MAP3K5: variants seen among roughly 807,000 people sequenced by gnomAD.
MAP3K5 encodes mitogen-activated protein kinase kinase kinase 5, also known as ASK-1.
In MAP3K5, 56 loss-of-function variants were observed where a neutral mutation model predicts 158.7. The ratio of observed to expected loss-of-function variants is 0.35; its 90% CI spans 0.28 to 0.44. The LOEUF is 0.44. MAP3K5 is among the 20% of genes least tolerant of loss of function. The probability of loss-of-function intolerance (pLI) is 1.00; values close to 1 mark genes in which losing one functional copy is unlikely to be tolerated. For synonymous variants in MAP3K5, 579 were observed against 601.7 expected (o/e 0.96, Z 0.55); for missense variants, 1,294 against 1,674.8 (o/e 0.77, Z 3.97).
chr6:136,737,035 G>GCATATATATATATATATATATATATATA (rs1554308004), intron 1 of MAP3K5, among the ~76,000 whole-genome samples: 1 of 118,708 alleles, frequency 8.4e-6, no homozygotes, highest in South Asian at 2.3e-4. Context: ...ATATATGTGT[G>GCATATATATATATATATATATATATATA]TGTATATATA....
At chr6:136,614,336 T>C (rs1346889545) in intron 15 of MAP3K5, 50 bp from the exon 16 acceptor site, 2 of 1,584,040 alleles carry the variant, frequency 1.3e-6, no homozygotes, top group South Asian at 1.1e-5. Context: ...CAGACTTTAC[T>C]GTATAAATTT....
At chr6:136,732,467 G>C (rs867082533) in intron 1 of MAP3K5, among the ~76,000 whole-genome samples, 1 of 151,984 alleles carries the variant, frequency 6.6e-6, no homozygotes, top group Non-Finnish European at 1.5e-5. Context: ...AAAACAAGGA[G>C]GGAAGTAATT....
chr6:136,627,605 T>C (rs1484005940), intron 14 of MAP3K5, among the ~76,000 whole-genome samples: 1 of 152,172 alleles, frequency 6.6e-6, no homozygotes, highest in Non-Finnish European at 1.5e-5. Flanking sequence ...AGAGCTCTCA[T>C]GAATGGGATT....
chr6:136,759,692 C>T (rs1372709283), intron 1 of MAP3K5, among the ~76,000 whole-genome samples: 1 of 151,260 alleles, frequency 6.6e-6, no homozygotes, highest in African/African-American at 2.4e-5. Context: ...AGGCTCATCC[C>T]AAACTCCTGG....
At chr6:136,598,546 C>T (rs1235946185) in intron 21 of MAP3K5, among the ~76,000 whole-genome samples, 1 of 152,204 alleles carries the variant, frequency 6.6e-6, no homozygotes, top group African/African-American at 2.4e-5. Context: ...TTTAAGCTGA[C>T]ATGAATTACT....
intron 2 of MAP3K5, among the ~76,000 whole-genome samples, chr6:136,716,513 G>A (rs917395309): frequency 6.6e-6 from 1 of 152,116 alleles, no homozygotes; most frequent in African/African-American, 2.4e-5. Flanking sequence ...TGTTATAAAG[G>A]AATTTCTAGT....
chr6:136,598,910 A>C (rs139800048), intron 21 of MAP3K5, among the ~76,000 whole-genome samples: 2 of 152,318 alleles, frequency 1.3e-5, no homozygotes, highest in Non-Finnish European at 2.9e-5. Context: ...GCATGGTGGC[A>C]CATGTAATCC....
chr6:136,719,531 T>C (rs770344426), intron 2 of MAP3K5, among the ~76,000 whole-genome samples: 4 of 152,232 alleles, frequency 2.6e-5, no homozygotes, highest in African/African-American at 9.6e-5. Flanking sequence ...GTTTGCTCAA[T>C]GAAGTTCTGC....
chr6:136,648,546 G>A (rs1481696549), intron 11 of MAP3K5, among the ~76,000 whole-genome samples: 1 of 152,162 alleles, frequency 6.6e-6, no homozygotes, highest in Admixed American at 6.6e-5. Context: ...GTAATTTCAT[G>A]TTGCCAACAT....
chr6:136,776,213 C>T (rs1385438342), intron 1 of MAP3K5, among the ~76,000 whole-genome samples: 2 of 152,092 alleles, frequency 1.3e-5, no homozygotes, highest in African/African-American at 4.8e-5. Flanking sequence ...CACTTGTATG[C>T]TATTATGGTT....
At position 136,730,150 on chromosome 6, in the gene MAP3K5, GTTGTTTTTTTTTTT is replaced by G. The variant is rs369726210; in HGVS notation, c.449-9575_449-9562del. On this transcript the variant is annotated intron_variant, in intron 1 of 29. Coordinates refer to ENST00000359015, the MANE Select transcript of MAP3K5 (RefSeq NM_005923.4). ...ACCATACCTGTTTTTTTGTTGTTTG[GTTGTTTTTTTTTTT>G]TTGTTTTTTGTTTTTGTAGAAACAA... 1.9e-3 allele frequency among the ~76,000 whole-genome samples: 211 copies of G among 108,210 alleles called. 3 individuals are homozygous for G. Among genetic ancestry groups the G allele is most frequent in the African/African-American group, 8.6e-3 (164 of 19,088 alleles). 71.0% of individuals were successfully genotyped at this position (108,210 alleles called of 152,430 possible). A position where few individuals can be genotyped will look rare whatever the true frequency, so the allele number is the denominator to read the frequency against.
intron 1 of MAP3K5, among the ~76,000 whole-genome samples, chr6:136,774,224 T>G (rs1784321484): frequency 6.6e-6 from 1 of 152,042 alleles, no homozygotes; most frequent in Non-Finnish European, 1.5e-5. Flanking sequence ...CAAAGAACCT[T>G]ACATAAACCT....
At chr6:136,764,180 C>T (rs1209416588) in intron 1 of MAP3K5, among the ~76,000 whole-genome samples, 1 of 152,170 alleles carries the variant, frequency 6.6e-6, no homozygotes, top group African/African-American at 2.4e-5. Context: ...CCAAAGATGG[C>T]CCCCATCAAG....
At chr6:136,630,123 T>C (rs1777271340) in intron 14 of MAP3K5, 1 of 152,152 alleles carries the variant, frequency 6.6e-6, no homozygotes, top group South Asian at 2.1e-4. Flanking sequence ...CACTGTAACT[T>C]CCTAAACCCT....
At chr6:136,738,012 G>T (rs1562660057) in intron 1 of MAP3K5, among the ~76,000 whole-genome samples, 1 of 152,108 alleles carries the variant, frequency 6.6e-6, no homozygotes, top group Admixed American at 6.5e-5. Flanking sequence ...CTTTTTACCA[G>T]AAAAAATTGC....
At chr6:136,597,589 C>T (rs1189589727) in intron 21 of MAP3K5, among the ~76,000 whole-genome samples, 1 of 152,188 alleles carries the variant, frequency 6.6e-6, no homozygotes, top group Non-Finnish European at 1.5e-5. Context: ...CTTAAAAGTA[C>T]AGAATTCCAG....
At chr6:136,789,489 G>A (rs2115072545) in intron 1 of MAP3K5, among the ~76,000 whole-genome samples, 1 of 152,080 alleles carries the variant, frequency 6.6e-6, no homozygotes, top group East Asian at 1.9e-4. Flanking sequence ...GCAGTACGAA[G>A]GGACAGAGTG....
At chr6:136,681,678 A>G (rs1265462515) in intron 7 of MAP3K5, among the ~76,000 whole-genome samples, 1 of 152,180 alleles carries the variant, frequency 6.6e-6, no homozygotes, top group African/African-American at 2.4e-5. Context: ...GCACTTTGGG[A>G]GGCCAAGGTG....
chr6:136,658,102 C>A (rs1011969), intron 9 of MAP3K5, among the ~76,000 whole-genome samples: 31,992 of 151,946 alleles, frequency 0.21, 3,911 homozygotes, highest in East Asian at 0.53. Context: ...ATTCTTTAAA[C>A]AGCCATGAGG....
Sources: allele counts gnomAD v4.1 joint callset (sites outside exome capture counted in the v4.1 genomes callset), GRCh38; gene constraint gnomAD v4.1.1; transcripts MANE v1.5; gene names NCBI Gene and HGNC (gene_info 2026-07-23, HGNC 2026-07-21).